The following TMEM132C variants were observed in gnomAD, a reference collection of about 807,000 sequenced individuals.
The protein encoded by TMEM132C is protein phosphatase 1, regulatory subunit 152.
TMEM132C carries 29 observed loss-of-function variants against 61.4 expected under a neutral mutation model. That is an observed-to-expected ratio of 0.47 (90% CI 0.35 to 0.64). The LOEUF is 0.64. TMEM132C is among the 30% of genes least tolerant of loss of function. TMEM132C has a pLI of 0.00. For synonymous variants in TMEM132C, 656 were observed against 633.1 expected, an observed-to-expected ratio of 1.04 and a Z score of -0.54; for missense variants, 1,408 against 1,476.9, an observed-to-expected ratio of 0.95 and a Z score of 0.76.
At chr12:128,693,762 C>CA (rs1320184569) in intron 5 of TMEM132C, 67 bp from the exon 6 acceptor site, 7 of 1,521,134 alleles carry the variant, frequency 4.6e-6, no homozygotes, top group Middle Eastern at 1.7e-4. Context: ...ATAGGAAAAA[C>CA]AAAAAAAGGA....
At position 128,649,762 on chromosome 12, in the gene TMEM132C, C is replaced by T. The variant is rs184461658; in HGVS notation, c.1306-19655C>T. Among the ~76,000 whole-genome samples the T allele has an allele frequency of 2.3e-3, 347 of 152,232 alleles. 2 individuals carry two copies. The highest frequency in any genetic ancestry group is 7.4e-3 in the African/African-American group (306 of 41,542). Reference sequence around the variant, plus strand: ...TTAGCCCATGTGCCACCCCAAAGGACGGCCTGTTTAATAACTCATTTATAG... The same window carrying T: ...TTAGCCCATGTGCCACCCCAAAGGATGGCCTGTTTAATAACTCATTTATAG... On this transcript the variant is annotated intron_variant, in intron 4 of 8. Transcript: ENST00000435159.
In TMEM132C at chr12:128,286,862, T is replaced by G. The variant is rs187384160; in HGVS notation, c.85+19375T>G. Among the ~76,000 whole-genome samples, 19 of 152,226 alleles carry G rather than the reference T, an allele frequency of 1.2e-4. No homozygotes were observed. The East Asian group carries it at 3.5e-3, about 28-fold the overall frequency. ...AGAGGGAGTGCCGGGCACGTGAGAT[T>G]ATTGTCCATTGAACAGGATCCTGGA... On this transcript the variant is annotated intron_variant, in intron 1 of 8. Transcript: ENST00000435159.
At chr12:128,297,488 G>A (rs1487304238) in intron 1 of TMEM132C, among the ~76,000 whole-genome samples, 4 of 152,116 alleles carry the variant, frequency 2.6e-5, no homozygotes, top group Admixed American at 6.5e-5. Context: ...GCCCTCCTTG[G>A]GATAGTGACT....
chr12:128,511,854 G>A (rs1267702628), intron 2 of TMEM132C, among the ~76,000 whole-genome samples: 1 of 152,188 alleles, frequency 6.6e-6, no homozygotes. Flanking sequence ...GGGCCTCCTA[G>A]TGAACAAAGA....
At chr12:128,365,406 T>G (rs927285405) in intron 1 of TMEM132C, among the ~76,000 whole-genome samples, 4 of 152,194 alleles carry the variant, frequency 2.6e-5, no homozygotes, top group Non-Finnish European at 4.4e-5. Context: ...AGATATTATT[T>G]TACACTATTA....
At chr12:128,449,061 C>G (rs573788908) in intron 2 of TMEM132C, among the ~76,000 whole-genome samples, 1 of 138,824 alleles carries the variant, frequency 7.2e-6, no homozygotes, top group East Asian at 2.1e-4. Flanking sequence ...GGCGTGAACC[C>G]GGGAGGCAGA....
At chr12:128,592,293 TC>T (rs1161717496) in intron 3 of TMEM132C, among the ~76,000 whole-genome samples, 1 of 152,162 alleles carries the variant, frequency 6.6e-6, no homozygotes, top group African/African-American at 2.4e-5. Context: ...TATTTTTATC[TC>T]CTACTCACTG....
Position 128,586,718 on chromosome 12 carries a change from G to T in TMEM132C, c.1122-29434G>T, listed in dbSNP as rs7308378. Among the ~76,000 whole-genome samples the T allele has an allele frequency of 4.2e-3, 642 of 152,310 alleles. 5 individuals carry two copies. The highest frequency in any genetic ancestry group is 0.015 in the African/African-American group (608 of 41,570). ...ATTAAACAGGAAGCTAAGCCAGCAC[G>T]GGAAGGAAGATGTTTGTCTTACATA... On this transcript the variant is annotated intron_variant, in intron 3 of 8. Transcript: ENST00000435159.
chr12:128,655,533 G>A (rs186097236), intron 4 of TMEM132C, among the ~76,000 whole-genome samples: 17 of 151,824 alleles, frequency 1.1e-4, no homozygotes, highest in Middle Eastern at 3.4e-3. Context: ...TGGGCGGCCC[G>A]TGCATCATTT....
At chr12:128,337,105 TAAAG>T (rs886886083) in intron 1 of TMEM132C, among the ~76,000 whole-genome samples, 1 of 152,162 alleles carries the variant, frequency 6.6e-6, no homozygotes, top group African/African-American at 2.4e-5. Context: ...AAATTAGGCT[TAAAG>T]AGAGAGAACT....
intron 1 of TMEM132C, among the ~76,000 whole-genome samples, chr12:128,276,502 C>T (rs1328739365): frequency 1.3e-5 from 2 of 152,180 alleles, no homozygotes; most frequent in African/African-American, 2.4e-5. Context: ...AGGCATAATT[C>T]CATCTGGCTT....
intron 1 of TMEM132C, among the ~76,000 whole-genome samples, chr12:128,348,678 A>T (rs951475725): frequency 1.3e-5 from 2 of 152,228 alleles, no homozygotes; most frequent in South Asian, 4.1e-4. Context: ...CTTATGCCAA[A>T]ACTGGAAGGT....
At chr12:128,614,111 G>A (rs1300696139) in intron 3 of TMEM132C, among the ~76,000 whole-genome samples, 5 of 152,138 alleles carry the variant, frequency 3.3e-5, no homozygotes, top group Non-Finnish European at 5.9e-5. Flanking sequence ...CAAACTCAGC[G>A]TGATGCCTTC....
At chr12:128,569,100 G>A (rs985407736) in intron 3 of TMEM132C, among the ~76,000 whole-genome samples, 3 of 152,142 alleles carry the variant, frequency 2.0e-5, no homozygotes, top group Non-Finnish European at 2.9e-5. Context: ...GAGCGGGGGC[G>A]TGCTGAGTTG....
intron 2 of TMEM132C, among the ~76,000 whole-genome samples, chr12:128,450,629 C>T (rs1425569662): frequency 1.3e-5 from 2 of 152,166 alleles, no homozygotes; most frequent in Non-Finnish European, 2.9e-5. Context: ...ATATAATTCA[C>T]TTATCAAATT....
intron 1 of TMEM132C, among the ~76,000 whole-genome samples, chr12:128,283,613 C>CT (rs1351530658): frequency 1.3e-5 from 2 of 152,150 alleles, no homozygotes; most frequent in African/African-American, 4.8e-5. Flanking sequence ...TGTTCTGTGT[C>CT]TATCTACCTA....
At chr12:128,417,459 T>C (rs1182344543) in intron 2 of TMEM132C, among the ~76,000 whole-genome samples, 1 of 152,052 alleles carries the variant, frequency 6.6e-6, no homozygotes, top group East Asian at 1.9e-4. Flanking sequence ...GAGGATCTGT[T>C]TTCTGAAATT....
chr12:128,382,544 G>A (rs975095835), intron 1 of TMEM132C, among the ~76,000 whole-genome samples: 63 of 152,080 alleles, frequency 4.1e-4, no homozygotes, highest in Admixed American at 3.9e-3. Context: ...GCTCTAGGTC[G>A]TTCTTTTTAT....
At chr12:128,584,759 T>C (rs1042284719) in intron 3 of TMEM132C, among the ~76,000 whole-genome samples, 4 of 152,220 alleles carry the variant, frequency 2.6e-5, no homozygotes, top group South Asian at 2.1e-4. Context: ...GGCGAATGGG[T>C]GTCAGCTATT....
Sources: gnomAD v4.1 joint callset for allele counts (sites outside exome capture counted in the v4.1 genomes callset) on GRCh38, gnomAD v4.1.1 for gene constraint, MANE v1.5 for transcripts, NCBI Gene and HGNC (gene_info 2026-07-23, HGNC 2026-07-21) for gene names.